Variants in VPS26A observed in about 807,000 individuals in gnomAD.
The protein encoded by VPS26A is vacuolar protein sorting-associated protein 26A.
Under a neutral mutation model 42.4 loss-of-function variants are expected in VPS26A, and 22 were observed. That is an observed-to-expected ratio of 0.52 (90% CI 0.37 to 0.74). The LOEUF (loss-of-function observed/expected upper bound fraction) is 0.74, where lower values mean the gene tolerates loss of function less well. VPS26A is among the 30% of genes least tolerant of loss of function. The pLI is 0.00. For synonymous variants in VPS26A, 110 were observed against 123.5 expected, an observed-to-expected ratio of 0.89 and a Z score of 0.73; for missense variants, 276 against 379.2, an observed-to-expected ratio of 0.73 and a Z score of 2.26.
At chr10:69,155,707 A>C in intron 2 of VPS26A, 105 bp from the exon 3 acceptor site, 1 of 858,426 alleles carries the variant, frequency 1.2e-6, no homozygotes, top group Non-Finnish European at 1.9e-6. Flanking sequence ...AAACTTCATA[A>C]ATGAATACCT....
At chr10:69,149,954 G>T (rs1841263265) in intron 2 of VPS26A, among the ~76,000 whole-genome samples, 1 of 151,830 alleles carries the variant, frequency 6.6e-6, no homozygotes, top group Non-Finnish European at 1.5e-5. Context: ...ATGTGGGCCA[G>T]GCTGGTCTCT....
At position 69,124,591 on chromosome 10, in the gene VPS26A, G is replaced by T. The variant is rs1416809349; in HGVS notation, c.3+311G>T. ...TCGGACCCCGCCTCTGCGGGGGCTG[G>T]TCGCCGCCTCCCCTTCCTAGGTAGC... On this transcript the variant is annotated intron_variant, in intron 1 of 8. Coordinates refer to ENST00000263559, the MANE Select transcript of VPS26A (RefSeq NM_004896.5). 2.0e-5 allele frequency among the ~76,000 whole-genome samples: 3 copies of T among 152,326 alleles called. No homozygotes were observed. The East Asian group carries it at 5.8e-4, about 29-fold the overall frequency.
chr10:69,139,036 C>T (rs973208306), intron 2 of VPS26A, among the ~76,000 whole-genome samples: 9 of 152,106 alleles, frequency 5.9e-5, no homozygotes, highest in Non-Finnish European at 1.2e-4. Flanking sequence ...TGCTTCCTTT[C>T]GCCCTCACTT....
intron 1 of VPS26A, among the ~76,000 whole-genome samples, chr10:69,125,513 G>A (rs1263953563): frequency 6.6e-6 from 1 of 152,176 alleles, no homozygotes; most frequent in Non-Finnish European, 1.5e-5. Context: ...GGGGGACCTT[G>A]CCTAGTCAGT....
At chr10:69,130,242 C>A (rs1386584483) in intron 1 of VPS26A, among the ~76,000 whole-genome samples, 1 of 152,208 alleles carries the variant, frequency 6.6e-6, no homozygotes, top group Non-Finnish European at 1.5e-5. Context: ...AGATGAGCCT[C>A]ATGGAGTTTA....
At chr10:69,165,979 G>A in intron 6 of VPS26A, 63 bp from the exon 7 acceptor site, 1 of 1,460,520 alleles carries the variant, frequency 6.8e-7, no homozygotes. Context: ...AAATAAGAAG[G>A]CATAAGGCTA....
chr10:69,172,339 C>T lies in VPS26A; in HGVS notation c.*1070C>T, dbSNP rs1158923953. The T allele has an allele frequency of 6.6e-6, 1 of 152,126 alleles. No homozygotes were observed. The highest frequency in any genetic ancestry group is 1.5e-5 in the Non-Finnish European group (1 of 68,002). 9.4% of individuals were successfully genotyped at this position (152,126 alleles called of 1,614,324 possible). A position where few individuals can be genotyped will look rare whatever the true frequency, so the allele number is the denominator to read the frequency against. On this transcript the variant is annotated 3_prime_UTR_variant, in exon 9 of 9. Coordinates refer to ENST00000263559, the MANE Select transcript of VPS26A (RefSeq NM_004896.5). ...AATTCAAGTCATTTGTTTTAAGTCT[C>T]TAAAAAAGAAGATTGCAGTCATCCA...
At chr10:69,158,287 A>G in intron 5 of VPS26A, 76 bp downstream of exon 5, 2 of 1,223,136 alleles carry the variant, frequency 1.6e-6, no homozygotes, top group Non-Finnish European at 2.2e-6. Flanking sequence ...AGTTGGTCAA[A>G]GTAAGGATAG....
At chr10:69,125,840 G>A (rs1200952985) in intron 1 of VPS26A, among the ~76,000 whole-genome samples, 1 of 152,120 alleles carries the variant, frequency 6.6e-6, no homozygotes, top group African/African-American at 2.4e-5. Context: ...ACTGGACTTA[G>A]TGAAATTCCT....
chr10:69,155,954 A>G, intron 3 of VPS26A, 67 bp downstream of exon 3: 1 of 1,275,008 alleles, frequency 7.8e-7, no homozygotes, highest in South Asian at 1.3e-5. Flanking sequence ...TGGATTTTGC[A>G]CCAAAATAAT....
Position 69,162,520 on chromosome 10 carries a change from GAA to G in VPS26A, c.658+11_658+12del, listed in dbSNP as rs776439473. ...AAGAGATCACAGGAATTGGTAAGTTGAAAAGAGTATGTAAATTAAAATTCTTT... is the reference window on the plus strand; with the variant it reads ...AAGAGATCACAGGAATTGGTAAGTTGAAGAGTATGTAAATTAAAATTCTTT... On this transcript the variant is annotated intron_variant, in intron 6 of 8. Transcript: ENST00000263559. 1.6e-5 allele frequency: 24 copies of G among 1,478,642 alleles called. No individual in the cohort carries two copies. In the African/African-American group the frequency reaches 2.7e-4, roughly 17 times the overall value. The allele number at this position is 1,478,642 out of a possible 1,614,324, so 91.6% of individuals were successfully genotyped here. A position where few individuals can be genotyped will look rare whatever the true frequency, so the allele number is the denominator to read the frequency against.
intron 2 of VPS26A, among the ~76,000 whole-genome samples, chr10:69,138,101 A>T (rs1041928044): frequency 6.6e-6 from 1 of 151,468 alleles, no homozygotes; most frequent in African/African-American, 2.5e-5. Context: ...TTTCATATAA[A>T]TGGAATTATA....
chr10:69,162,804 A>G (rs1243858332), intron 6 of VPS26A, among the ~76,000 whole-genome samples: 1 of 152,250 alleles, frequency 6.6e-6, no homozygotes, highest in Non-Finnish European at 1.5e-5. Context: ...AGCTACTCAT[A>G]GGTAATATGT....
intron 7 of VPS26A, 113 bp downstream of exon 7, chr10:69,166,223 C>A (rs960764747): frequency 3.2e-6 from 3 of 942,046 alleles, no homozygotes; most frequent in Admixed American, 4.9e-5. Flanking sequence ...ACCATTCTTA[C>A]AATGATAGCT....
At chr10:69,163,844 C>G (rs1402141012) in intron 6 of VPS26A, among the ~76,000 whole-genome samples, 2 of 149,796 alleles carry the variant, frequency 1.3e-5, no homozygotes, top group Non-Finnish European at 3.0e-5. Flanking sequence ...CGGCTCACTG[C>G]AAGCTCCGCC....
At position 69,157,140 on chromosome 10, in the gene VPS26A, C is replaced by A. The variant is rs150500251; in HGVS notation, c.363C>A (p.Tyr121Ter). The A allele has an allele frequency of 6.2e-7, 1 of 1,612,746 alleles. No individual in the cohort carries two copies. The highest frequency in any genetic ancestry group is 8.5e-7 in the Non-Finnish European group (1 of 1,179,458). Residue 121 changes from tyrosine (Y) to a stop codon, truncating the protein, a stop_gained, in exon 4 of 9, where the codon TAC (tyrosine) becomes TAA (stop). Transcript: ENST00000263559. LOFTEE classifies it high-confidence loss of function. Reference protein sequence around the residue: ...FMQVEKPYESYIGANVRLRYF... With the variant: ...FMQVEKPYES ...AAGTTGAAAAGCCATATGAATCTTA[C>A]ATCGGTGCCAATGTCCGCTTGAGGT...
Position 69,158,222 on chromosome 10 carries a change from T to G in VPS26A, c.551+11T>G. 2 of 1,567,062 alleles carry G rather than the reference T, an allele frequency of 1.3e-6. No homozygotes were observed. Among genetic ancestry groups the G allele is most frequent in the Non-Finnish European group, 1.7e-6 (2 of 1,159,870 alleles). ...ATATAATAAATCAAAGTAAGTATCA[T>G]TCACAGATAAGTTGTTCAGAGAAAA... On this transcript the variant is annotated intron_variant, in intron 5 of 8. Transcript: ENST00000263559.
At chr10:69,142,182 CTTTT>C (rs143922304) in intron 2 of VPS26A, among the ~76,000 whole-genome samples, 3 of 84,910 alleles carry the variant, frequency 3.5e-5, no homozygotes, top group Non-Finnish European at 4.5e-5. Context: ...CATACCAGGC[CTTTT>C]TTTTTTTTTT....
chr10:69,144,453 A>G (rs1841111261), intron 2 of VPS26A, among the ~76,000 whole-genome samples: 1 of 152,182 alleles, frequency 6.6e-6, no homozygotes, highest in African/African-American at 2.4e-5. Context: ...CCATCCACAC[A>G]GTCTTCGGCA....
Sources: gnomAD v4.1 joint callset for allele counts (sites outside exome capture counted in the v4.1 genomes callset) on GRCh38, gnomAD v4.1.1 for gene constraint, MANE v1.5 for transcripts, NCBI Gene and HGNC (gene_info 2026-07-23, HGNC 2026-07-21) for gene names.